The following SOX11 variants were observed in gnomAD, a reference collection of about 807,000 sequenced individuals.
SOX11 encodes the protein transcription factor SOX-11.
Under a neutral mutation model 16.7 loss-of-function variants are expected in SOX11, and 5 were observed. The ratio of observed to expected loss-of-function variants is 0.30; its 90% confidence interval spans 0.16 to 0.63. SOX11 has a LOEUF of 0.63. Ranked by LOEUF, SOX11 falls within the 20% of genes least tolerant of loss-of-function variation. SOX11 has a pLI of 0.82. For missense variants in SOX11, 492 were observed against 641.5 expected (o/e 0.77, Z 2.52); for synonymous variants, 363 against 298.8 (o/e 1.21, Z -2.22).
rs757741965 is a variant in SOX11 at position 5,693,411 on chromosome 2, C to A, written c.690C>A (p.Asp230Glu). ...TGGATGAGGACGACGACGACGACGA[C>A]GACGACGACGAGCTGCAGCTGCAGA... ...VFLDEDDDDD[D>E]DDDELQLQIK... Residue 230 changes from aspartate to glutamate, a missense_variant, in exon 1 of 1, where the codon GAC (aspartate) becomes GAA (glutamate). Physicochemically the swap from Asp to Glu is conservative, Grantham distance 45. Transcript: ENST00000322002. The surrounding 1 kb of genome is among the most constrained non-coding windows in gnomAD (Gnocchi z 8.6). 2.0e-5 allele frequency: 32 copies of A among 1,591,150 alleles called. No homozygotes were observed. The highest frequency in any genetic ancestry group is 2.6e-5 in the Non-Finnish European group (31 of 1,177,044).
Position 5,696,422 on chromosome 2 carries a change from G to T in SOX11, c.*2375G>T. The T allele has an allele frequency of 1.2e-5, 2 of 160,060 alleles. No homozygotes were observed. Among genetic ancestry groups the T allele is most frequent in the South Asian group, 2.0e-4 (1 of 5,040 alleles). The allele number at this position is 160,060 out of a possible 1,614,324, so 9.9% of individuals were successfully genotyped here. On this transcript the variant is annotated 3_prime_UTR_variant, in exon 1 of 1. Transcript: ENST00000322002. The stretch of plus-strand genomic sequence containing the variant: ...ACGAGCGGGAGGGAGGCGGGAGTCG[G>T]GGGAAGACGCGGCAGGCCGGCCGAG...
Position 5,692,898 on chromosome 2 carries a change from G to C in SOX11, c.177G>C (p.Trp59Cys), listed in dbSNP as rs758858972. 6.2e-7 allele frequency: 1 copy of C among 1,614,038 alleles called. No homozygotes were observed. ...IKRPMNAFMV[W>C]SKIERRKIME... Reference sequence around the variant, plus strand: ...GGCCGATGAACGCGTTCATGGTATGGTCCAAGATCGAACGCAGGAAGATCA... The same window carrying C: ...GGCCGATGAACGCGTTCATGGTATGCTCCAAGATCGAACGCAGGAAGATCA... The change falls in exon 1 of 1, where the codon TGG (tryptophan) becomes TGC (cysteine). Residue 59 changes from tryptophan (W) to cysteine (C), a missense_variant. Physicochemically the swap from Trp to Cys is radical, Grantham distance 215. This residue lies in a region of SOX11 where 28 missense variants were observed against 125.6 expected (regional missense o/e 0.22). Coordinates refer to ENST00000322002, the MANE Select transcript of SOX11 (RefSeq NM_003108.4).
At position 5,693,282 on chromosome 2, in the gene SOX11, G is replaced by A. The variant is rs1462673426; in HGVS notation, c.561G>A (p.Gln187=). Residue 187 remains glutamine, a synonymous_variant, in exon 1 of 1, where the codon CAG becomes CAA. Coordinates refer to ENST00000322002, the MANE Select transcript of SOX11 (RefSeq NM_003108.4). This position sits in a 1 kb window ranked among gnomAD's most constrained non-coding sequence, Gnocchi z 8.6. The part of the protein sequence containing the change: ...GAKAGAGKAA[Q]SGDYGGAGDD... The stretch of plus-strand genomic sequence containing the variant: ...AGGCGGGCGCGGGCAAGGCGGCCCA[G>A]TCCGGGGACTACGGGGGCGCGGGCG... 2.7e-6 allele frequency: 4 copies of A among 1,489,254 alleles called. No homozygotes were observed. The African/African-American group carries it at 5.8e-5, about 21-fold the overall frequency. 92.3% of individuals were successfully genotyped at this position (1,489,254 alleles called of 1,614,324 possible).
rs750388803 is a variant in SOX11 at position 5,693,318 on chromosome 2, G to T, written c.597G>T (p.Val199=). ...GDYGGAGDDY[V]LGSLRVSGSG... ...ACGGGGGCGCGGGCGACGACTACGTGCTGGGCAGCCTGCGCGTGAGCGGCT... is the reference window on the plus strand; with the variant it reads ...ACGGGGGCGCGGGCGACGACTACGTTCTGGGCAGCCTGCGCGTGAGCGGCT... Residue 199 remains valine (V), a synonymous_variant, in exon 1 of 1, where the codon GTG becomes GTT. Transcript: ENST00000322002. This position sits in a 1 kb window ranked among gnomAD's most constrained non-coding sequence, Gnocchi z 8.6. The T allele has an allele frequency of 4.6e-4, 735 of 1,583,952 alleles. No individual in the cohort carries two copies. Among genetic ancestry groups the T allele is most frequent in the Non-Finnish European group, 5.8e-4 (678 of 1,173,738 alleles).
rs1665712668 is a variant in SOX11, at chr2:5,695,518, G to A, written c.*1471G>A. On this transcript the variant is annotated 3_prime_UTR_variant, in exon 1 of 1. Transcript: ENST00000322002. The stretch of plus-strand genomic sequence containing the variant: ...GTACAGACCATCTGCATATTTTGTA[G>A]CAAATGGTGGCAAAGCAGACTCAAT... 6.1e-6 allele frequency: 1 copy of A among 162,844 alleles called. No homozygotes were observed. Among genetic ancestry groups the A allele is most frequent in the Admixed American group, 6.7e-5 (1 of 14,892 alleles). The allele number at this position is 162,844 out of a possible 1,614,324, so 10.1% of individuals were successfully genotyped here. A position where few individuals can be genotyped will look rare whatever the true frequency, so the allele number is the denominator to read the frequency against.
At position 5,701,174 on chromosome 2, in the gene SOX11, TA is replaced by T. The variant is rs1213376191; in HGVS notation, c.*7128del. 2.4e-5 allele frequency: 4 copies of T among 167,066 alleles called. No individual in the cohort carries two copies. Among genetic ancestry groups the T allele is most frequent in the Non-Finnish European group, 5.9e-5 (4 of 68,126 alleles). 10.3% of individuals were successfully genotyped at this position (167,066 alleles called of 1,614,324 possible). On this transcript the variant is annotated 3_prime_UTR_variant, in exon 1 of 1. Coordinates refer to ENST00000322002, the MANE Select transcript of SOX11 (RefSeq NM_003108.4). The stretch of plus-strand genomic sequence containing the variant: ...TAAGCATTATTTATTGAAAACTATG[TA>T]TTTTTTTGTAAAAACCTGATCACAT...
rs1304574596 is a variant in SOX11, at chr2:5,692,946, C to T, written c.225C>T (p.His75=). Residue 75 remains histidine (H), a synonymous_variant, in exon 1 of 1, where the codon CAC becomes CAT. Transcript: ENST00000322002. The part of the protein sequence containing the change: ...RKIMEQSPDM[H]NAEISKRLGK... ...TCATGGAGCAGTCTCCGGACATGCA[C>T]AACGCCGAGATCTCCAAGAGGCTGG... 1.2e-6 allele frequency: 2 copies of T among 1,612,426 alleles called. No homozygotes were observed. The highest frequency in any genetic ancestry group is 1.3e-5 in the African/African-American group (1 of 74,372).
chr2:5,698,053 G>A lies in SOX11; in HGVS notation c.*4006G>A, dbSNP rs1665772870. The A allele has an allele frequency of 6.0e-6, 1 of 166,816 alleles. No homozygotes were observed. The highest frequency in any genetic ancestry group is 2.1e-4 in the South Asian group (1 of 4,830). 10.3% of individuals were successfully genotyped at this position (166,816 alleles called of 1,614,324 possible). On this transcript the variant is annotated 3_prime_UTR_variant, in exon 1 of 1. Transcript: ENST00000322002. ...GATTTTTTTTTTTTAAAGCCATGTG[G>A]CCTAACTTGATACAAAAATAAAAGT...
In SOX11 at chr2:5,693,442, CAGG is replaced by C; in HGVS notation, c.724_726del (p.Glu242del). Reference sequence around the variant, plus strand: ...CGACGAGCTGCAGCTGCAGATCAAACAGGAGCCGGACGAGGAGGACGAGGAACC... The same window carrying C: ...CGACGAGCTGCAGCTGCAGATCAAACAGCCGGACGAGGAGGACGAGGAACC... On this transcript the variant is annotated inframe_deletion, in exon 1 of 1. Coordinates refer to ENST00000322002, the MANE Select transcript of SOX11 (RefSeq NM_003108.4). This position sits in a 1 kb window ranked among gnomAD's most constrained non-coding sequence, Gnocchi z 8.6. 1 of 1,591,388 alleles carries C rather than the reference CAGG, an allele frequency of 6.3e-7. No homozygotes were observed. Among genetic ancestry groups the C allele is most frequent in the Non-Finnish European group, 8.5e-7 (1 of 1,176,906 alleles).
At position 5,693,415 on chromosome 2, in the gene SOX11, G is replaced by A. The variant is rs1403124561; in HGVS notation, c.694G>A (p.Asp232Asn). Residue 232 changes from aspartate to asparagine, a missense_variant, in exon 1 of 1, where the codon GAC (aspartate) becomes AAC (asparagine). Asp to Asn is a conservative substitution (Grantham distance 23). Transcript: ENST00000322002. This position sits in a 1 kb window ranked among gnomAD's most constrained non-coding sequence, Gnocchi z 8.6. ...TGAGGACGACGACGACGACGACGAC[G>A]ACGACGAGCTGCAGCTGCAGATCAA... ...LDEDDDDDDD[D>N]DELQLQIKQE... 5.0e-6 allele frequency: 8 copies of A among 1,591,710 alleles called. No homozygotes were observed. Among genetic ancestry groups the A allele is most frequent in the African/African-American group, 1.3e-5 (1 of 74,920 alleles).
chr2:5,694,282 T>A lies in SOX11; in HGVS notation c.*235T>A. ...GGTGGAGTTAAAGTGAAATGAGTAG[T>A]TTTTAAACATTTTTCCTGTCCTTTT... On this transcript the variant is annotated 3_prime_UTR_variant, in exon 1 of 1. Transcript: ENST00000322002. 3.9e-6 allele frequency: 2 copies of A among 518,224 alleles called. No individual in the cohort carries two copies. The highest frequency in any genetic ancestry group is 6.8e-6 in the Non-Finnish European group (2 of 296,154). The allele number at this position is 518,224 out of a possible 1,614,324, so 32.1% of individuals were successfully genotyped here. A position where few individuals can be genotyped will look rare whatever the true frequency, so the allele number is the denominator to read the frequency against.
chr2:5,696,831 G>A lies in SOX11; in HGVS notation c.*2784G>A, dbSNP rs1340579891. 6 of 156,490 alleles carry A rather than the reference G, an allele frequency of 3.8e-5. No homozygotes were observed. 9.7% of individuals were successfully genotyped at this position (156,490 alleles called of 1,614,324 possible). ...CCTCACCACGCCCTCCCCGCGCGCC[G>A]GCTCAGGGGCTGCCCCGGAATCAGC... On this transcript the variant is annotated 3_prime_UTR_variant, in exon 1 of 1. Transcript: ENST00000322002.
In SOX11 at chr2:5,693,042, C is replaced by T. The variant is rs763866335; in HGVS notation, c.321C>T (p.Leu107=). The change falls in exon 1 of 1, where the codon CTC becomes CTT. Residue 107 remains leucine (L), a synonymous_variant. Coordinates refer to ENST00000322002, the MANE Select transcript of SOX11 (RefSeq NM_003108.4). This position sits in a 1 kb window ranked among gnomAD's most constrained non-coding sequence, Gnocchi z 8.6. ...TCCGGGAGGCGGAGCGGCTGCGGCTCAAGCACATGGCCGACTACCCCGACT... is the reference window on the plus strand; with the variant it reads ...TCCGGGAGGCGGAGCGGCTGCGGCTTAAGCACATGGCCGACTACCCCGACT... ...PFIREAERLR[L]KHMADYPDYK... 16 of 1,614,114 alleles carry T rather than the reference C, an allele frequency of 9.9e-6. No homozygotes were observed. The highest frequency in any genetic ancestry group is 1.4e-5 in the Non-Finnish European group (16 of 1,180,012).
chr2:5,699,935 C>A lies in SOX11; in HGVS notation c.*5888C>A, dbSNP rs1315583295. 1 of 167,040 alleles carries A rather than the reference C, an allele frequency of 6.0e-6. No homozygotes were observed. The highest frequency in any genetic ancestry group is 1.9e-4 in the East Asian group (1 of 5,188). The allele number at this position is 167,040 out of a possible 1,614,324, so 10.3% of individuals were successfully genotyped here. A position where few individuals can be genotyped will look rare whatever the true frequency, so the allele number is the denominator to read the frequency against. ...TATACTCAATAAAAGCACAAAAGTG[C>A]AGAAAGTATAAAACGGCTTACAAAG... On this transcript the variant is annotated 3_prime_UTR_variant, in exon 1 of 1. Coordinates refer to ENST00000322002, the MANE Select transcript of SOX11 (RefSeq NM_003108.4).
Position 5,694,134 on chromosome 2 carries a change from A to AATG in SOX11, c.*100_*102dup, listed in dbSNP as rs1292547910. The AATG allele has an allele frequency of 2.7e-6, 3 of 1,111,646 alleles. No individual in the cohort carries two copies. Among genetic ancestry groups the AATG allele is most frequent in the Non-Finnish European group, 2.4e-6 (2 of 845,546 alleles). The allele number at this position is 1,111,646 out of a possible 1,614,324, so 68.9% of individuals were successfully genotyped here. A position where few individuals can be genotyped will look rare whatever the true frequency, so the allele number is the denominator to read the frequency against. On this transcript the variant is annotated 3_prime_UTR_variant, in exon 1 of 1. Coordinates refer to ENST00000322002, the MANE Select transcript of SOX11 (RefSeq NM_003108.4). ...TTGTAGTGGTGATGATGATGATGAT[A>AATG]ATGATGATGATGATGGTGGTGTTGA...
Position 5,692,730 on chromosome 2 carries a change from G to A in SOX11, c.9G>A (p.Gln3=). 1 of 1,586,428 alleles carries A rather than the reference G, an allele frequency of 6.3e-7. No homozygotes were observed. The highest frequency in any genetic ancestry group is 1.7e-5 in the Admixed American group (1 of 58,916). MV[Q]QAESLEAESN... ...CAGCCCTGCAGCGGATCATGGTGCA[G>A]CAGGCGGAGAGCTTGGAAGCGGAGA... The change falls in exon 1 of 1, where the codon CAG becomes CAA. Residue 3 remains glutamine, a synonymous_variant. Transcript: ENST00000322002.
In SOX11 at chr2:5,696,614, C is replaced by T. The variant is rs1310096725; in HGVS notation, c.*2567C>T. On this transcript the variant is annotated 3_prime_UTR_variant, in exon 1 of 1. Coordinates refer to ENST00000322002, the MANE Select transcript of SOX11 (RefSeq NM_003108.4). Reference sequence around the variant, plus strand: ...GCAGAGCCCTGACGCTCCGGGTCCCCGTGCCTGGCTCTTCTTGCCTCGCCA... The same window carrying T: ...GCAGAGCCCTGACGCTCCGGGTCCCTGTGCCTGGCTCTTCTTGCCTCGCCA... 6.6e-6 allele frequency: 1 copy of T among 152,240 alleles called. No homozygotes were observed. Among genetic ancestry groups the T allele is most frequent in the Non-Finnish European group, 1.5e-5 (1 of 68,060 alleles). 9.4% of individuals were successfully genotyped at this position (152,240 alleles called of 1,614,324 possible). A position where few individuals can be genotyped will look rare whatever the true frequency, so the allele number is the denominator to read the frequency against.
At position 5,692,559 on chromosome 2, in the gene SOX11, T is replaced by C; in HGVS notation, c.-163T>C. 2.0e-6 allele frequency: 1 copy of C among 507,912 alleles called. No individual in the cohort carries two copies. The allele number at this position is 507,912 out of a possible 1,614,324, so 31.5% of individuals were successfully genotyped here. ...GTCGCCGAAGCCACCACAGCCGCTG[T>C]GTGCAGCCTGGAAGGGGGGGCGGGG... is the stretch of plus-strand genomic sequence containing the variant. On this transcript the variant is annotated 5_prime_UTR_variant, in exon 1 of 1. Transcript: ENST00000322002.
Position 5,693,351 on chromosome 2 carries a change from C to A in SOX11, c.630C>A (p.Gly210=). 3 of 1,590,814 alleles carry A rather than the reference C, an allele frequency of 1.9e-6. No individual in the cohort carries two copies. Among genetic ancestry groups the A allele is most frequent in the Non-Finnish European group, 2.5e-6 (3 of 1,177,306 alleles). ...LGSLRVSGSG[G]GGAGKTVKCV... is the part of the protein sequence containing the mutation. Reference sequence around the variant, plus strand: ...GCCTGCGCGTGAGCGGCTCGGGCGGCGGCGGCGCGGGCAAGACGGTCAAGT... The same window carrying A: ...GCCTGCGCGTGAGCGGCTCGGGCGGAGGCGGCGCGGGCAAGACGGTCAAGT... The change falls in exon 1 of 1, where the codon GGC becomes GGA. Residue 210 remains glycine, a synonymous_variant. Transcript: ENST00000322002. The surrounding 1 kb of genome is among the most constrained non-coding windows in gnomAD (Gnocchi z 8.6).
Sources: gnomAD v4.1 joint callset for allele counts on GRCh38, gnomAD v4.1.1 for gene constraint, gnomAD v4.1.1 regional missense constraint, Gnocchi (gnomAD v3.1) non-coding constraint, MANE v1.5 for transcripts, NCBI Gene and HGNC (gene_info 2026-07-23, HGNC 2026-07-21) for gene names.